The following CASZ1 variants were observed in gnomAD, a reference collection of about 807,000 sequenced individuals.
CASZ1 encodes the protein castor zinc finger 1.
A neutral mutation model predicts 135.2 loss-of-function variants in CASZ1; 28 were observed. That is an observed-to-expected ratio of 0.21 (90% confidence interval 0.15 to 0.28). CASZ1 has a LOEUF of 0.28. CASZ1 is among the 10% of genes least tolerant of loss of function. CASZ1 has a pLI of 1.00. For missense variants in CASZ1, 2,161 were observed against 2,453.3 expected, an observed-to-expected ratio of 0.88 and a Z score of 2.52; for synonymous variants, 1,068 against 1,073.4, an observed-to-expected ratio of 0.99 and a Z score of 0.10.
At chr1:10,729,950 G>A (rs909759253) in intron 2 of CASZ1, among the ~76,000 whole-genome samples, 1 of 151,898 alleles carries the variant, frequency 6.6e-6, no homozygotes, top group Non-Finnish European at 1.5e-5. Context: ...GAGTAGCTGG[G>A]ACTACAGGCC....
intron 6 of CASZ1, 146 bp downstream of exon 6, chr1:10,659,556 T>A (rs771997228): frequency 1.5e-6 from 1 of 652,132 alleles, no homozygotes; most frequent in Non-Finnish European, 2.7e-6. Flanking sequence ...GGAGCCTGAG[T>A]GTGCACGCGC....
chr1:10,752,212 G>A (rs1266824499), intron 2 of CASZ1, among the ~76,000 whole-genome samples: 1 of 152,224 alleles, frequency 6.6e-6, no homozygotes, highest in African/African-American at 2.4e-5. Flanking sequence ...TGTCGTCCCT[G>A]ACCTTGTGCC....
chr1:10,716,400 A>G (rs543680240), intron 2 of CASZ1, among the ~76,000 whole-genome samples: 27 of 152,362 alleles, frequency 1.8e-4, no homozygotes, highest in African/African-American at 6.5e-4. Context: ...TAGAAGAGGC[A>G]CAGGCAGAGA....
intron 2 of CASZ1, among the ~76,000 whole-genome samples, chr1:10,732,782 TA>T (rs1639725516): frequency 6.6e-6 from 1 of 152,106 alleles, no homozygotes; most frequent in Non-Finnish European, 1.5e-5. Context: ...CCAGGTGAGG[TA>T]ACACTGCCCT....
At chr1:10,708,050 T>C (rs890484957) in intron 2 of CASZ1, among the ~76,000 whole-genome samples, 3 of 152,316 alleles carry the variant, frequency 2.0e-5, no homozygotes, top group East Asian at 1.9e-4. Context: ...TCTGTCCATC[T>C]GTCCATCCAT....
chr1:10,684,017 A>T (rs1367043299), intron 4 of CASZ1, among the ~76,000 whole-genome samples: 1 of 152,218 alleles, frequency 6.6e-6, no homozygotes, highest in Non-Finnish European at 1.5e-5. Context: ...GTCCTCTGAC[A>T]TTTAGCATTT....
Position 10,706,189 on chromosome 1 carries a change from G to A in CASZ1, c.-76-645C>T, listed in dbSNP as rs926231304. ...CCAGAGACCGTGCAGGGAGAGGGAC[G>A]ATGGTCAGACAACGTGGAGGCTTTA... is the stretch of plus-strand genomic sequence containing the variant. On this transcript the variant is annotated intron_variant, in intron 2 of 20. Transcript: ENST00000377022. This position sits in a 1 kb window ranked among gnomAD's most constrained non-coding sequence, Gnocchi z 4.3. Among the ~76,000 whole-genome samples the A allele has an allele frequency of 6.6e-5, 10 of 152,220 alleles. No homozygotes were observed. Among genetic ancestry groups the A allele is most frequent in the African/African-American group, 1.9e-4 (8 of 41,464 alleles).
In CASZ1 at chr1:10,693,863, C is replaced by T; in HGVS notation, c.16+11G>A. ...TGAAAGAGCCGCCCCTGCGTTCCCA[C>T]CGGCCGGTACCTGTTCCAAGATCCA... On this transcript the variant is annotated intron_variant, in intron 4 of 20. Coordinates refer to ENST00000377022, the MANE Select transcript of CASZ1 (RefSeq NM_001079843.3). The T allele has an allele frequency of 6.2e-7, 1 of 1,612,870 alleles. No homozygotes were observed. The highest frequency in any genetic ancestry group is 8.5e-7 in the Non-Finnish European group (1 of 1,179,130).
intron 1 of CASZ1, among the ~76,000 whole-genome samples, chr1:10,795,215 C>T (rs1267525103): frequency 6.6e-6 from 1 of 151,776 alleles, no homozygotes; most frequent in East Asian, 2.0e-4. Flanking sequence ...TTCCCGCGCG[C>T]CCCCTGGATC....
At chr1:10,764,641 C>T (rs1322921768) in intron 1 of CASZ1, among the ~76,000 whole-genome samples, 1 of 152,212 alleles carries the variant, frequency 6.6e-6, no homozygotes, top group Non-Finnish European at 1.5e-5. Context: ...CAAGGCCCAA[C>T]TCACTTAAAA....
rs1441727466 is a variant in CASZ1 at position 10,642,846 on chromosome 1, G to A, written c.4162+13C>T. 25 of 1,610,720 alleles carry A rather than the reference G, an allele frequency of 1.6e-5. No homozygotes were observed. The highest frequency in any genetic ancestry group is 2.0e-5 in the Non-Finnish European group (23 of 1,178,836). ...GGGCCTGGCCCTGCCAGCAGCCCCT[G>A]CCTGCCGCTCACCTGCCGCGGTGCT... On this transcript the variant is annotated intron_variant, in intron 20 of 20. Transcript: ENST00000377022.
intron 2 of CASZ1, among the ~76,000 whole-genome samples, chr1:10,754,678 C>T (rs1203407493): frequency 6.6e-6 from 1 of 152,208 alleles, no homozygotes; most frequent in African/African-American, 2.4e-5. Flanking sequence ...GACCTCCTCC[C>T]CGCAGCTGGG....
In CASZ1 at chr1:10,642,970, C is replaced by T. The variant is rs766224188; in HGVS notation, c.4051G>A (p.Asp1351Asn). 119 of 1,612,974 alleles carry T rather than the reference C, an allele frequency of 7.4e-5. No individual in the cohort carries two copies. In the East Asian group the frequency reaches 2.7e-3, roughly 36 times the overall value. The change falls in exon 20 of 21, where the codon GAT (aspartate) becomes AAT (asparagine). Residue 1351 changes from aspartate (D) to asparagine (N), a missense_variant. By Grantham distance (23) the Asp-to-Asn change is conservative (BLOSUM62 1). Transcript: ENST00000377022. ...CAGCCAGTGTAGTCCATGCACTCAT[C>T]TGTCTCAGCATCCATCAGGCCTGGG... is the stretch of plus-strand genomic sequence containing the variant. Reference protein sequence around the residue: ...GPPGLMDAETDECMDYTGCSP... With the variant: ...GPPGLMDAETNECMDYTGCSP...
At chr1:10,645,134 G>A in intron 17 of CASZ1, 46 bp from the exon 18 acceptor site, 2 of 1,578,152 alleles carry the variant, frequency 1.3e-6, no homozygotes, top group South Asian at 2.3e-5. Flanking sequence ...TGACTTTCAA[G>A]AGCTCCTGCC....
chr1:10,639,993 G>A lies in CASZ1; in HGVS notation c.4229C>T (p.Ser1410Leu). ...KKRFWIIEDMSPFGKRRKTAS... is the reference protein window; with the variant it reads ...KKRFWIIEDMLPFGKRRKTAS... The stretch of plus-strand genomic sequence containing the variant: ...CGTCTTCCGCCGCTTGCCGAAGGGC[G>A]ACATGTCCTCGATGATCCAGAAGCG... The change falls in exon 21 of 21, where the codon TCG (serine) becomes TTG (leucine). Residue 1410 changes from serine (S) to leucine (L), a missense_variant. Coordinates refer to ENST00000377022, the MANE Select transcript of CASZ1 (RefSeq NM_001079843.3). The surrounding 1 kb of genome is among the most constrained non-coding windows in gnomAD (Gnocchi z 4.0). 3 of 1,612,572 alleles carry A rather than the reference G, an allele frequency of 1.9e-6. No homozygotes were observed. Among genetic ancestry groups the A allele is most frequent in the Non-Finnish European group, 2.5e-6 (3 of 1,180,008 alleles).
In CASZ1 at chr1:10,757,436, CA is replaced by C. The variant is rs1486761399; in HGVS notation, c.-77+3264del. 6.6e-6 allele frequency among the ~76,000 whole-genome samples: 1 copy of C among 152,212 alleles called. No individual in the cohort carries two copies. Among genetic ancestry groups the C allele is most frequent in the African/African-American group, 2.4e-5 (1 of 41,444 alleles). On this transcript the variant is annotated intron_variant, in intron 2 of 20. Coordinates refer to ENST00000377022, the MANE Select transcript of CASZ1 (RefSeq NM_001079843.3). The surrounding 1 kb of genome is among the most constrained non-coding windows in gnomAD (Gnocchi z 4.6). ...CACCATCCTCTCACACCATCGGCTG[CA>C]GCAGCTGCCCCTCTGGCCTCCCAAT...
intron 2 of CASZ1, among the ~76,000 whole-genome samples, chr1:10,749,743 G>T (rs1570556939): frequency 6.6e-6 from 1 of 152,322 alleles, no homozygotes; most frequent in Non-Finnish European, 1.5e-5. Flanking sequence ...AGCTGGGGTT[G>T]CGAGAGGACC....
intron 1 of CASZ1, among the ~76,000 whole-genome samples, chr1:10,781,762 G>A (rs1321452556): frequency 6.6e-6 from 1 of 152,202 alleles, no homozygotes; most frequent in Non-Finnish European, 1.5e-5. Context: ...CCATGTGCCA[G>A]GAGCCCTTCC....
In CASZ1 at chr1:10,749,110, C is replaced by G. The variant is rs1570556040; in HGVS notation, c.-77+11591G>C. ...CGGGGCCCTGCACAGACAGCAGGAG[C>G]CCTGCTAATTAATGAGCTCTCCGTC... On this transcript the variant is annotated intron_variant, in intron 2 of 20. Coordinates refer to ENST00000377022, the MANE Select transcript of CASZ1 (RefSeq NM_001079843.3). Among the ~76,000 whole-genome samples, 5 of 152,188 alleles carry G rather than the reference C, an allele frequency of 3.3e-5. No individual in the cohort carries two copies. The South Asian group carries it at 8.3e-4, about 25-fold the overall frequency.
Sources: gnomAD v4.1 joint callset for allele counts (sites outside exome capture counted in the v4.1 genomes callset) on GRCh38, gnomAD v4.1.1 for gene constraint, Gnocchi (gnomAD v3.1) non-coding constraint, MANE v1.5 for transcripts, NCBI Gene and HGNC (gene_info 2026-07-23, HGNC 2026-07-21) for gene names.